VTI1A: variants seen among roughly 807,000 people sequenced by gnomAD.
VTI1A encodes vesicle transport through interaction with t-SNAREs 1A.
A neutral mutation model predicts 34.9 loss-of-function variants in VTI1A; 22 were observed. The ratio of observed to expected loss-of-function variants is 0.63; its 90% confidence interval spans 0.45 to 0.90. The LOEUF (loss-of-function observed/expected upper bound fraction) is 0.90. VTI1A is among the 40% of genes least tolerant of loss of function. The probability of loss-of-function intolerance (pLI) is 0.00; values close to 1 mark genes in which losing one functional copy is unlikely to be tolerated. For synonymous variants in VTI1A, 87 were observed against 97.3 expected (o/e 0.89, Z 0.62); for missense variants, 268 against 275.6 (o/e 0.97, Z 0.20).
At chr10:112,709,493 T>C (rs1013895027) in intron 7 of VTI1A, among the ~76,000 whole-genome samples, 5 of 152,068 alleles carry the variant, frequency 3.3e-5, no homozygotes, top group African/African-American at 1.2e-4. Context: ...CAGCCGGAAC[T>C]GCTCCCTGCC....
At chr10:112,695,460 G>T (rs1357848108) in intron 7 of VTI1A, among the ~76,000 whole-genome samples, 1 of 152,076 alleles carries the variant, frequency 6.6e-6, no homozygotes, top group African/African-American at 2.4e-5. Flanking sequence ...AATTGCTGAG[G>T]TTATTATGTT....
At chr10:112,854,750 C>T in the VTI1A span, among the ~76,000 whole-genome samples, 1 of 152,286 alleles carries the variant, frequency 6.6e-6, no homozygotes, top group Non-Finnish European at 1.5e-5. Context: ...GAGGCGACAC[C>T]AGTATGTAGG....
intron 5 of VTI1A, among the ~76,000 whole-genome samples, chr10:112,659,635 A>C (rs1437912185): frequency 6.6e-6 from 1 of 152,222 alleles, no homozygotes; most frequent in Non-Finnish European, 1.5e-5. Flanking sequence ...CTTAAAGCAA[A>C]ATAGAATACA....
chr10:112,730,574 T>C (rs1221421138), intron 7 of VTI1A, among the ~76,000 whole-genome samples: 1 of 107,382 alleles, frequency 9.3e-6, no homozygotes, highest in Non-Finnish European at 1.7e-5. Flanking sequence ...ACTTTTAGGA[T>C]TTTTTTTTTA....
the VTI1A span, among the ~76,000 whole-genome samples, chr10:112,853,357 A>G: frequency 6.6e-6 from 1 of 151,834 alleles, no homozygotes; most frequent in East Asian, 1.9e-4. Flanking sequence ...CAGCCATCAA[A>G]CTCCAAGTGA....
chr10:112,790,100 C>T (rs887313629), intron 7 of VTI1A, among the ~76,000 whole-genome samples: 10 of 152,158 alleles, frequency 6.6e-5, no homozygotes, highest in Non-Finnish European at 1.3e-4. Context: ...CTGCAGTCTA[C>T]TCAGTTGTTG....
At chr10:112,785,948 A>G (rs1214807380) in intron 7 of VTI1A, among the ~76,000 whole-genome samples, 1 of 152,078 alleles carries the variant, frequency 6.6e-6, no homozygotes, top group East Asian at 1.9e-4. Flanking sequence ...TATACATTCT[A>G]GTTCTAGTTG....
intron 7 of VTI1A, among the ~76,000 whole-genome samples, chr10:112,703,001 T>C (rs1376459313): frequency 1.3e-5 from 2 of 152,316 alleles, no homozygotes; most frequent in East Asian, 1.9e-4. Context: ...TTAAACTCAG[T>C]AGTGATCTGA....
In VTI1A at chr10:112,606,336, T is replaced by G. The variant is rs536880139; in HGVS notation, c.428-61882T>G. 2.0e-5 allele frequency among the ~76,000 whole-genome samples: 3 copies of G among 152,134 alleles called. No homozygotes were observed. In the South Asian group the frequency reaches 6.2e-4, roughly 32 times the overall value. On this transcript the variant is annotated intron_variant, in intron 5 of 7. Transcript: ENST00000393077. The stretch of plus-strand genomic sequence containing the variant: ...CACCGCGCCCGGCCATTGCGTGCTA[T>G]TCTGATATAACTCTTACCAGCTTGA...
chr10:112,830,849 A>ATATATATATATTTTTT, the VTI1A span, among the ~76,000 whole-genome samples: 1 of 33,498 alleles, frequency 3.0e-5, no homozygotes, highest in Non-Finnish European at 4.9e-5. Flanking sequence ...ATATATATAT[A>ATATATATATATTTTTT]TTTTTTTTTT....
chr10:112,756,693 C>G (rs1207587024), intron 7 of VTI1A, among the ~76,000 whole-genome samples: 1 of 151,898 alleles, frequency 6.6e-6, no homozygotes, highest in African/African-American at 2.4e-5. Context: ...CTCTATTAGC[C>G]CCTAATAGGC....
intron 3 of VTI1A, among the ~76,000 whole-genome samples, chr10:112,488,103 A>G (rs1170970631): frequency 6.6e-6 from 1 of 152,192 alleles, no homozygotes; most frequent in African/African-American, 2.4e-5. Flanking sequence ...CATACTTCCA[A>G]TTTAATTTAA....
In VTI1A at chr10:112,629,621, C is replaced by T. The variant is rs977591822; in HGVS notation, c.428-38597C>T. On this transcript the variant is annotated intron_variant, in intron 5 of 7. Coordinates refer to ENST00000393077, the MANE Select transcript of VTI1A (RefSeq NM_145206.4). ...GATTTAGGAATGAATGCTTATTTAA[C>T]GCAGAAGTTATTTTAAAATGAGGCT... Among the ~76,000 whole-genome samples the T allele has an allele frequency of 7.2e-5, 11 of 152,304 alleles. No homozygotes were observed. In the South Asian group the frequency reaches 1.0e-3, roughly 14 times the overall value.
Position 112,767,705 on chromosome 10 carries a change from G to A in VTI1A, c.561-47585G>A, listed in dbSNP as rs1449532211. ...ACTCTTTTTTTTTTTCTGTTTCTCT[G>A]TATTCTCCCAATTTTCTTGGTTGCG... On this transcript the variant is annotated intron_variant, in intron 7 of 7. Coordinates refer to ENST00000393077, the MANE Select transcript of VTI1A (RefSeq NM_145206.4). The surrounding 1 kb of genome is among the most constrained non-coding windows in gnomAD (Gnocchi z 4.0). Among the ~76,000 whole-genome samples, 1 of 148,934 alleles carries A rather than the reference G, an allele frequency of 6.7e-6. No homozygotes were observed. The highest frequency in any genetic ancestry group is 2.5e-5 in the African/African-American group (1 of 40,338).
chr10:112,542,029 T>C (rs1343393982), intron 5 of VTI1A, among the ~76,000 whole-genome samples: 1 of 152,166 alleles, frequency 6.6e-6, no homozygotes, highest in Non-Finnish European at 1.5e-5. Flanking sequence ...TAGTCAGATA[T>C]GACTTTTAGC....
chr10:112,787,693 CTTTTCTT>C (rs1434364799), intron 7 of VTI1A, among the ~76,000 whole-genome samples: 2 of 105,378 alleles, frequency 1.9e-5, no homozygotes, highest in African/African-American at 6.2e-5. Context: ...TTTCTTTTTT[CTTTTCTT>C]TTTTTTTTTT....
At chr10:112,591,581 T>TA (rs1249771804) in intron 5 of VTI1A, among the ~76,000 whole-genome samples, 7 of 152,190 alleles carry the variant, frequency 4.6e-5, no homozygotes, top group African/African-American at 1.7e-4. Flanking sequence ...GTGTACTGTT[T>TA]AATTGTTTTA....
the VTI1A span, among the ~76,000 whole-genome samples, chr10:112,829,444 G>GA: frequency 0.54 from 71,096 of 131,746 alleles, 19,442 homozygotes; most frequent in African/African-American, 0.74. Flanking sequence ...ACTCCGTCTC[G>GA]AAAAAAAAAA....
intron 7 of VTI1A, among the ~76,000 whole-genome samples, chr10:112,727,483 AT>A (rs1401210388): frequency 6.6e-6 from 1 of 152,194 alleles, no homozygotes; most frequent in Non-Finnish European, 1.5e-5. Context: ...CATGAAAAAA[AT>A]ATGATAGGAA....
Sources: gnomAD v4.1 joint callset for allele counts (sites outside exome capture counted in the v4.1 genomes callset) on GRCh38, gnomAD v4.1.1 for gene constraint, Gnocchi (gnomAD v3.1) non-coding constraint, MANE v1.5 for transcripts, NCBI Gene and HGNC (gene_info 2026-07-23, HGNC 2026-07-21) for gene names.